Variants in PCDHGC4 observed in about 807,000 individuals in gnomAD.
PCDHGC4 encodes protocadherin gamma-C4.
Under a neutral mutation model 59.7 loss-of-function variants are expected in PCDHGC4, and 15 were observed. The ratio of observed to expected loss-of-function variants is 0.25; its 90% CI spans 0.17 to 0.39. The LOEUF (loss-of-function observed/expected upper bound fraction) is 0.39. Ranked by LOEUF, PCDHGC4 falls within the 10% of genes least tolerant of loss-of-function variation. The probability of loss-of-function intolerance (pLI) is 1.00; values close to 1 mark genes in which losing one functional copy is unlikely to be tolerated. For synonymous variants in PCDHGC4, 434 were observed against 481.4 expected (o/e 0.90, Z 1.29); for missense variants, 1,016 against 1,189.5 (o/e 0.85, Z 2.15).
chr5:141,512,555 A>C lies in PCDHGC4; in HGVS notation c.*1382A>C, dbSNP rs1294402882. 2.6e-5 allele frequency: 4 copies of C among 152,986 alleles called. No individual in the cohort carries two copies. The highest frequency in any genetic ancestry group is 9.6e-5 in the African/African-American group (4 of 41,472). 9.5% of individuals were successfully genotyped at this position (152,986 alleles called of 1,614,324 possible). A position where few individuals can be genotyped will look rare whatever the true frequency, so the allele number is the denominator to read the frequency against. ...AGTTCCCCAGTGCCTCCTTGTGCAT[A>C]GACCTTCTTCTCCCACCCCCTTCTG... On this transcript the variant is annotated 3_prime_UTR_variant, in exon 4 of 4. Transcript: ENST00000306593.
intron 2 of PCDHGC4, among the ~76,000 whole-genome samples, chr5:141,500,184 T>TTTTTTTTATTTATTTA (rs1554186429): frequency 7.4e-6 from 1 of 135,886 alleles, no homozygotes; most frequent in African/African-American, 2.7e-5. Flanking sequence ...TCATTTTTAT[T>TTTTTTTTATTTATTTA]TTTATTTATT....
In PCDHGC4 at chr5:141,491,731, C is replaced by T. The variant is rs1198438920; in HGVS notation, c.2443-3076C>T. ...GGGCTCGGCGCCGCCCCGGGCGACC[C>T]CTGGGGGCGGCACTGGAGAAGCCGC... On this transcript the variant is annotated intron_variant, in intron 1 of 3. Coordinates refer to ENST00000306593, the MANE Select transcript of PCDHGC4 (RefSeq NM_018928.3). The surrounding 1 kb of genome is among the most constrained non-coding windows in gnomAD (Gnocchi z 6.9). 1 of 1,603,678 alleles carries T rather than the reference C, an allele frequency of 6.2e-7. No homozygotes were observed. Among genetic ancestry groups the T allele is most frequent in the Non-Finnish European group, 8.5e-7 (1 of 1,175,748 alleles).
chr5:141,509,785 C>T (rs1445220885), intron 3 of PCDHGC4, among the ~76,000 whole-genome samples: 1 of 152,166 alleles, frequency 6.6e-6, no homozygotes, highest in African/African-American at 2.4e-5. Context: ...CCGAGATCAT[C>T]ATCTCCTCAG....
At chr5:141,501,516 C>A (rs763346187) in intron 2 of PCDHGC4, among the ~76,000 whole-genome samples, 1 of 152,010 alleles carries the variant, frequency 6.6e-6, no homozygotes, top group Non-Finnish European at 1.5e-5. Flanking sequence ...GGCCTCCAAG[C>A]TGAAGCCCAG....
chr5:141,486,162 T>G lies in PCDHGC4; in HGVS notation c.989T>G (p.Met330Arg), dbSNP rs763023343. ...VRARDGGSPA[M>R]EQHCSLRVDL... ...GCTCGCGATGGGGGTTCTCCAGCCA[T>G]GGAGCAACATTGCAGCCTTCGAGTG... The change falls in exon 1 of 4, where the codon ATG becomes AGG. Residue 330 changes from methionine to arginine, a missense_variant. By Grantham distance (91) the Met-to-Arg change is moderately conservative. Coordinates refer to ENST00000306593, the MANE Select transcript of PCDHGC4 (RefSeq NM_018928.3). The surrounding 1 kb of genome is among the most constrained non-coding windows in gnomAD (Gnocchi z 5.0). The G allele has an allele frequency of 6.2e-7, 1 of 1,614,170 alleles. No individual in the cohort carries two copies. Among genetic ancestry groups the G allele is most frequent in the Non-Finnish European group, 8.5e-7 (1 of 1,180,026 alleles).
Position 141,486,674 on chromosome 5 carries a change from G to A in PCDHGC4, c.1501G>A (p.Asp501Asn). Residue 501 changes from aspartate (D) to asparagine (N), a missense_variant, in exon 1 of 4, where the codon GAT becomes AAT. Transcript: ENST00000306593. This position sits in a 1 kb window ranked among gnomAD's most constrained non-coding sequence, Gnocchi z 5.0. ...CTCACTCCTGGAGCCCAGGAATCGA[G>A]ATGTATCAGCTTCCTCTTTCATCTC... ...SYSLLEPRNR[D>N]VSASSFISLN... is the part of the protein sequence containing the mutation. The A allele has an allele frequency of 1.9e-6, 3 of 1,614,080 alleles. No individual in the cohort carries two copies. Among genetic ancestry groups the A allele is most frequent in the Non-Finnish European group, 2.5e-6 (3 of 1,180,036 alleles).
Position 141,494,808 on chromosome 5 carries a change from A to G in PCDHGC4, c.2444A>G (p.Gln815Arg). The G allele has an allele frequency of 1.9e-6, 3 of 1,614,014 alleles. No individual in the cohort carries two copies. Among genetic ancestry groups the G allele is most frequent in the Non-Finnish European group, 2.5e-6 (3 of 1,179,982 alleles). The change falls in exon 2 of 4, where the codon CAA becomes CGA. Residue 815 changes from glutamine to arginine, a missense_variant and splice_region_variant. Gln to Arg is a conservative substitution (Grantham distance 43, BLOSUM62 1). Coordinates refer to ENST00000306593, the MANE Select transcript of PCDHGC4 (RefSeq NM_018928.3). ...CCTTTCCCTCTGTTTTCTCCACAGC[A>G]AGCCCCGCCCAACACGGACTGGCGT... ...PPSDLLYGLE[Q>R]APPNTDWRFS...
rs754728562 is a variant in PCDHGC4, at chr5:141,489,487, G to A, written c.2442+1872G>A. 6.2e-7 allele frequency: 1 copy of A among 1,613,942 alleles called. No individual in the cohort carries two copies. On this transcript the variant is annotated intron_variant, in intron 1 of 3. Coordinates refer to ENST00000306593, the MANE Select transcript of PCDHGC4 (RefSeq NM_018928.3). This position sits in a 1 kb window ranked among gnomAD's most constrained non-coding sequence, Gnocchi z 4.5. The stretch of plus-strand genomic sequence containing the variant: ...TTTTTCCCTGAGCTTGATGAGTGGT[G>A]CCCTGGCAGTGAATCAAAAGATTGA...
chr5:141,506,415 C>T lies in PCDHGC4; in HGVS notation c.2590+934C>T, dbSNP rs2099853185. 2.0e-5 allele frequency among the ~76,000 whole-genome samples: 3 copies of T among 148,290 alleles called. No homozygotes were observed. The South Asian group carries it at 6.4e-4, about 32-fold the overall frequency. On this transcript the variant is annotated intron_variant, in intron 3 of 3. Coordinates refer to ENST00000306593, the MANE Select transcript of PCDHGC4 (RefSeq NM_018928.3). ...GAGCAGAAAATCGCACCACTGCACT[C>T]CAGCCTGGGCAACAGTCTCGCTCTG...
rs1223618064 is a variant in PCDHGC4 at position 141,512,867 on chromosome 5, C to T, written c.*1694C>T. On this transcript the variant is annotated 3_prime_UTR_variant, in exon 4 of 4. Transcript: ENST00000306593. The stretch of plus-strand genomic sequence containing the variant: ...ATAAGCGCTTCTCTTCGCATAGTCA[C>T]GTAGCTCCCACCCCACCCTCTTCCT... 1 of 152,184 alleles carries T rather than the reference C, an allele frequency of 6.6e-6. No homozygotes were observed. The highest frequency in any genetic ancestry group is 1.5e-5 in the Non-Finnish European group (1 of 68,056). The allele number at this position is 152,184 out of a possible 1,614,324, so 9.4% of individuals were successfully genotyped here. A position where few individuals can be genotyped will look rare whatever the true frequency, so the allele number is the denominator to read the frequency against.
At chr5:141,498,194 T>C (rs1014641829) in intron 2 of PCDHGC4, among the ~76,000 whole-genome samples, 16 of 152,254 alleles carry the variant, frequency 1.1e-4, no homozygotes, top group African/African-American at 3.6e-4. Context: ...ATTAACCAGC[T>C]AAAGAAAAGA....
chr5:141,485,866 C>T lies in PCDHGC4; in HGVS notation c.693C>T (p.Ser231=). The T allele has an allele frequency of 2.5e-6, 4 of 1,614,144 alleles. No individual in the cohort carries two copies. Among genetic ancestry groups the T allele is most frequent in the Non-Finnish European group, 3.4e-6 (4 of 1,180,014 alleles). Residue 231 remains serine, a synonymous_variant, in exon 1 of 4, where the codon TCC becomes TCT. Coordinates refer to ENST00000306593, the MANE Select transcript of PCDHGC4 (RefSeq NM_018928.3). The surrounding 1 kb of genome is among the most constrained non-coding windows in gnomAD (Gnocchi z 5.7). The part of the protein sequence containing the change: ...PRSGTAELRV[S]VLDVNDNAPA... ...CTGGCACCGCAGAGCTCCGGGTATCCGTGCTGGACGTAAACGACAACGCCC... is the reference window on the plus strand; with the variant it reads ...CTGGCACCGCAGAGCTCCGGGTATCTGTGCTGGACGTAAACGACAACGCCC...
At chr5:141,502,880 T>TTTTTTTTTTG (rs2099816747) in intron 2 of PCDHGC4, among the ~76,000 whole-genome samples, 1 of 151,000 alleles carries the variant, frequency 6.6e-6, no homozygotes, top group African/African-American at 2.4e-5. Context: ...TTTTTTTTTT[T>TTTTTTTTTTG]GACAGGGAGT....
chr5:141,507,691 A>G (rs777728143), intron 3 of PCDHGC4, among the ~76,000 whole-genome samples: 72 of 152,198 alleles, frequency 4.7e-4, no homozygotes, highest in Non-Finnish European at 6.8e-4. Context: ...CAGAAATGAA[A>G]TCAGTATTTA....
At position 141,489,264 on chromosome 5, in the gene PCDHGC4, G is replaced by T. The variant is rs1314393358; in HGVS notation, c.2442+1649G>T. 10 of 1,553,088 alleles carry T rather than the reference G, an allele frequency of 6.4e-6. No individual in the cohort carries two copies. Among genetic ancestry groups the T allele is most frequent in the Non-Finnish European group, 7.0e-6 (8 of 1,149,620 alleles). ...TCATGGGGCCCAAGACACTCCCACA[G>T]CTCGCTGGGAAATGGCAAGTGCTGT... On this transcript the variant is annotated intron_variant, in intron 1 of 3. Transcript: ENST00000306593. The surrounding 1 kb of genome is among the most constrained non-coding windows in gnomAD (Gnocchi z 4.5).
intron 3 of PCDHGC4, among the ~76,000 whole-genome samples, chr5:141,508,984 C>G (rs1039260828): frequency 4.7e-4 from 72 of 152,154 alleles, no homozygotes; most frequent in African/African-American, 1.7e-3. Context: ...GGGTGGGGGC[C>G]AGCTGGGGTA....
rs1292277026 is a variant in PCDHGC4 at position 141,489,814 on chromosome 5, CCA to C, written c.2442+2200_2442+2201del. 6 of 1,614,024 alleles carry C rather than the reference CCA, an allele frequency of 3.7e-6. No homozygotes were observed. Among genetic ancestry groups the C allele is most frequent in the Non-Finnish European group, 8.5e-7 (1 of 1,180,004 alleles). ...GACCCTAAAAGATGGGAAGCCATTC[CCA>C]GAGCTGGTGCTAGAGCAGCAGCTGG... On this transcript the variant is annotated intron_variant, in intron 1 of 3. Transcript: ENST00000306593. This position sits in a 1 kb window ranked among gnomAD's most constrained non-coding sequence, Gnocchi z 4.5.
chr5:141,485,341 G>C lies in PCDHGC4; in HGVS notation c.168G>C (p.Thr56=). 1.2e-6 allele frequency: 2 copies of C among 1,614,118 alleles called. No homozygotes were observed. Among genetic ancestry groups the C allele is most frequent in the Non-Finnish European group, 8.5e-7 (1 of 1,180,022 alleles). The part of the protein sequence containing the change: ...GNVAQDFLLD[T]DSLSARRLQV... ...TCGCTCAAGATTTCCTGCTGGATAC[G>C]GACAGTCTGTCAGCTCGCAGGCTGC... Residue 56 remains threonine (T), a synonymous_variant, in exon 1 of 4, where the codon ACG becomes ACC. Coordinates refer to ENST00000306593, the MANE Select transcript of PCDHGC4 (RefSeq NM_018928.3). The surrounding 1 kb of genome is among the most constrained non-coding windows in gnomAD (Gnocchi z 5.7).
Position 141,485,844 on chromosome 5 carries a change from G to A in PCDHGC4, c.671G>A (p.Gly224Asp), listed in dbSNP as rs201857404. The change falls in exon 1 of 4, where the codon GGC becomes GAC. Residue 224 changes from glycine to aspartate, a missense_variant. Gly to Asp is a moderately conservative substitution (Grantham distance 94). Transcript: ENST00000306593. The surrounding 1 kb of genome is among the most constrained non-coding windows in gnomAD (Gnocchi z 5.7). Reference protein sequence around the residue: ...AVDGGNPPRSGTAELRVSVLD... With the variant: ...AVDGGNPPRSDTAELRVSVLD... ...GATGGAGGGAACCCGCCGAGATCTGGCACCGCAGAGCTCCGGGTATCCGTG... is the reference window on the plus strand; with the variant it reads ...GATGGAGGGAACCCGCCGAGATCTGACACCGCAGAGCTCCGGGTATCCGTG... 6 of 1,613,890 alleles carry A rather than the reference G, an allele frequency of 3.7e-6. No homozygotes were observed. In the East Asian group the frequency reaches 1.1e-4, roughly 30 times the overall value.
Sources: gnomAD v4.1 joint callset for allele counts (sites outside exome capture counted in the v4.1 genomes callset) on GRCh38, gnomAD v4.1.1 for gene constraint, Gnocchi (gnomAD v3.1) non-coding constraint, MANE v1.5 for transcripts, NCBI Gene and HGNC (gene_info 2026-07-23, HGNC 2026-07-21) for gene names.